Variants in MYCBP2 observed in about 807,000 individuals in gnomAD.
MYCBP2 encodes the protein MYC binding protein 2.
MYCBP2 carries 120 observed loss-of-function variants against 525.3 expected under a neutral mutation model. That is an observed-to-expected ratio of 0.23 (90% CI 0.20 to 0.27). MYCBP2 has a LOEUF of 0.27. Ranked by LOEUF, MYCBP2 falls within the 10% of genes least tolerant of loss-of-function variation. The pLI, the probability that MYCBP2 is intolerant of heterozygous loss-of-function variation, is 1.00. For missense variants in MYCBP2, 4,149 were observed against 5,657.1 expected, an observed-to-expected ratio of 0.73 and a Z score of 8.55; for synonymous variants, 1,894 against 1,955.8, an observed-to-expected ratio of 0.97 and a Z score of 0.83.
intron 55 of MYCBP2, among the ~76,000 whole-genome samples, chr13:77,120,241 C>T (rs565670105): frequency 6.6e-6 from 1 of 152,036 alleles, no homozygotes; most frequent in East Asian, 1.9e-4. Context: ...TATGTAAGTA[C>T]AAAGATCTAG....
chr13:77,310,155 G>A (rs2079995702), intron 1 of MYCBP2, among the ~76,000 whole-genome samples: 2 of 152,086 alleles, frequency 1.3e-5, no homozygotes, highest in African/African-American at 4.8e-5. Flanking sequence ...AATACCCTAT[G>A]ATTGTTCCAT....
At chr13:77,089,769 A>C (rs1302818514) in intron 60 of MYCBP2, among the ~76,000 whole-genome samples, 1 of 151,986 alleles carries the variant, frequency 6.6e-6, no homozygotes, top group Non-Finnish European at 1.5e-5. Flanking sequence ...GATAACTGTG[A>C]ATGTGTACGT....
At chr13:77,169,135 G>A (rs909453521) in intron 39 of MYCBP2, among the ~76,000 whole-genome samples, 6 of 152,176 alleles carry the variant, frequency 3.9e-5, no homozygotes, top group Non-Finnish European at 5.9e-5. Flanking sequence ...CAGGCCGGGC[G>A]CGGTGGCTCA....
At chr13:77,220,255 A>C (rs2065361536) in intron 20 of MYCBP2, among the ~76,000 whole-genome samples, 1 of 152,132 alleles carries the variant, frequency 6.6e-6, no homozygotes, top group African/African-American at 2.4e-5. Context: ...AAAGGGTGAA[A>C]AAAGAGTAAA....
At position 77,057,016 on chromosome 13, in the gene MYCBP2, T is replaced by C; in HGVS notation, c.13407A>G (p.Thr4469=). Reference sequence around the variant, plus strand: ...AAATGGGACAAGATATAAATCCAAATGTTATCCTTGGGCCAAGCCATCGAT... The same window carrying C: ...AAATGGGACAAGATATAAATCCAAACGTTATCCTTGGGCCAAGCCATCGAT... ...LENRWLGPRI[T]FGFISCPICK... is the part of the protein sequence containing the mutation. Residue 4469 remains threonine (T), a synonymous_variant, in exon 79 of 83, where the codon ACA becomes ACG. Transcript: ENST00000544440. 6.2e-7 allele frequency: 1 copy of C among 1,613,518 alleles called. No individual in the cohort carries two copies. Among genetic ancestry groups the C allele is most frequent in the Non-Finnish European group, 8.5e-7 (1 of 1,179,540 alleles).
At position 77,050,899 on chromosome 13, in the gene MYCBP2, T is replaced by C. The variant is rs530258500; in HGVS notation, c.13921+98A>G. 6 of 1,076,114 alleles carry C rather than the reference T, an allele frequency of 5.6e-6. No individual in the cohort carries two copies. The East Asian group carries it at 1.5e-4, about 28-fold the overall frequency. 66.7% of individuals were successfully genotyped at this position (1,076,114 alleles called of 1,614,324 possible). On this transcript the variant is annotated intron_variant, in intron 82 of 82. Coordinates refer to ENST00000544440, the MANE Select transcript of MYCBP2 (RefSeq NM_015057.5). ...TCCTGCTTCTTTAGGCTAGTTTGAA[T>C]TGAGTTTCTGTCACTTGAAACAGAG...
chr13:77,212,880 TCAA>T (rs2064219799), intron 21 of MYCBP2, among the ~76,000 whole-genome samples: 1 of 152,168 alleles, frequency 6.6e-6, no homozygotes, highest in African/African-American at 2.4e-5. Flanking sequence ...TGACATTGAC[TCAA>T]TAGATATTCT....
At position 77,260,340 on chromosome 13, in the gene MYCBP2, C is replaced by CCAA. The variant is rs1432245781; in HGVS notation, c.2017+85_2017+87dup. On this transcript the variant is annotated intron_variant, in intron 13 of 82. Coordinates refer to ENST00000544440, the MANE Select transcript of MYCBP2 (RefSeq NM_015057.5). The stretch of plus-strand genomic sequence containing the variant: ...TAAAAAATGTAGAGAAAGCATGCCA[C>CCAA]CAACATAAATTTTCTAGATATGTCT... The CCAA allele has an allele frequency of 3.4e-6, 3 of 882,006 alleles. No individual in the cohort carries two copies. In the African/African-American group the frequency reaches 5.3e-5, roughly 16 times the overall value. The allele number at this position is 882,006 out of a possible 1,614,324, so 54.6% of individuals were successfully genotyped here. A position where few individuals can be genotyped will look rare whatever the true frequency, so the allele number is the denominator to read the frequency against.
rs186242280 is a variant in MYCBP2, at chr13:77,224,466, C to T, written c.2924G>A (p.Gly975Glu). ...TAGCAAGTACCTGGAGTTGACATCTCCATGTCCTAGCTGCCCATGCTGCCC... is the reference window on the plus strand; with the variant it reads ...TAGCAAGTACCTGGAGTTGACATCTTCATGTCCTAGCTGCCCATGCTGCCC... ...GYGQHGQLGH[G>E]DVNSRGCPTL... The change falls in exon 20 of 83, where the codon GGA becomes GAA. Residue 975 changes from glycine to glutamate, a missense_variant. Transcript: ENST00000544440. 1 of 1,608,256 alleles carries T rather than the reference C, an allele frequency of 6.2e-7. No individual in the cohort carries two copies. The highest frequency in any genetic ancestry group is 2.2e-5 in the East Asian group (1 of 44,594).
In MYCBP2 at chr13:77,174,315, A is replaced by G; in HGVS notation, c.5647T>C (p.Tyr1883His). ...TRGQIPQILYYRSEFDGDLQS... is the reference protein window; with the variant it reads ...TRGQIPQILYHRSEFDGDLQS... Reference sequence around the variant, plus strand: ...TATCTCTATACATTCACCCACCTATAGTAGAGTATCTGTGGGATCTGTCCT... The same window carrying G: ...TATCTCTATACATTCACCCACCTATGGTAGAGTATCTGTGGGATCTGTCCT... Residue 1883 changes from tyrosine (Y) to histidine (H), a missense_variant, in exon 37 of 83, where the codon TAT becomes CAT. Coordinates refer to ENST00000544440, the MANE Select transcript of MYCBP2 (RefSeq NM_015057.5). 6.2e-7 allele frequency: 1 copy of G among 1,614,012 alleles called. No individual in the cohort carries two copies. Among genetic ancestry groups the G allele is most frequent in the Non-Finnish European group, 8.5e-7 (1 of 1,179,940 alleles).
intron 1 of MYCBP2, among the ~76,000 whole-genome samples, chr13:77,299,686 A>T (rs1254206087): frequency 7.2e-5 from 11 of 152,284 alleles, no homozygotes; most frequent in Non-Finnish European, 1.2e-4. Flanking sequence ...CACATTAACA[A>T]TTTAACTTGG....
chr13:77,230,631 A>G (rs943301688), intron 18 of MYCBP2, among the ~76,000 whole-genome samples: 1 of 152,236 alleles, frequency 6.6e-6, no homozygotes, highest in Non-Finnish European at 1.5e-5. Context: ...ATTTTATGCA[A>G]TATTTTAAAT....
chr13:77,234,732 T>G (rs1332162091), intron 17 of MYCBP2, among the ~76,000 whole-genome samples: 1 of 152,010 alleles, frequency 6.6e-6, no homozygotes, highest in Non-Finnish European at 1.5e-5. Flanking sequence ...ACAAAATGCC[T>G]TATTTTCTTA....
rs1310519170 is a variant in MYCBP2 at position 77,225,418 on chromosome 13, A to C, written c.2857+17T>G. On this transcript the variant is annotated intron_variant, in intron 19 of 82. Transcript: ENST00000544440. ...AATTGTAAAAACGCAGTTATACCCTAAAGTTCCAGCCGCTACCTGAATGGT... is the reference window on the plus strand; with the variant it reads ...AATTGTAAAAACGCAGTTATACCCTCAAGTTCCAGCCGCTACCTGAATGGT... 2 of 1,613,326 alleles carry C rather than the reference A, an allele frequency of 1.2e-6. No individual in the cohort carries two copies. The highest frequency in any genetic ancestry group is 3.3e-5 in the Admixed American group (2 of 59,896).
At chr13:77,257,092 G>A (rs777339283) in intron 14 of MYCBP2, among the ~76,000 whole-genome samples, 15 of 152,208 alleles carry the variant, frequency 9.9e-5, no homozygotes, top group South Asian at 2.1e-4. Flanking sequence ...CAACAAGGAT[G>A]TAACTGGAGG....
chr13:77,139,146 A>G, intron 52 of MYCBP2, 50 bp downstream of exon 52: 1 of 1,569,768 alleles, frequency 6.4e-7, no homozygotes, highest in Non-Finnish European at 8.7e-7. Flanking sequence ...AAGCTCTGTA[A>G]AACAAACAGC....
intron 17 of MYCBP2, among the ~76,000 whole-genome samples, chr13:77,234,044 G>C (rs987122172): frequency 2.6e-5 from 4 of 151,598 alleles, no homozygotes; most frequent in African/African-American, 9.7e-5. Flanking sequence ...ACAGATTATA[G>C]CTCTTTCCAC....
Position 77,067,576 on chromosome 13 carries a change from C to CTAA in MYCBP2, c.12455+2_12455+4dup, listed in dbSNP as rs749606283. 1 of 1,613,718 alleles carries CTAA rather than the reference C, an allele frequency of 6.2e-7. No homozygotes were observed. The highest frequency in any genetic ancestry group is 2.2e-5 in the East Asian group (1 of 44,882). The stretch of plus-strand genomic sequence containing the variant: ...TTTGGTACTAAAATAGAGGCAATAA[C>CTAA]TAACCTGGAATTGAAAATCATCGGA... On this transcript the variant is annotated splice_donor_region_variant and intron_variant, in intron 71 of 82. Transcript: ENST00000544440.
At chr13:77,168,191 T>C (rs1376925583) in intron 40 of MYCBP2, among the ~76,000 whole-genome samples, 2 of 152,136 alleles carry the variant, frequency 1.3e-5, no homozygotes, top group Admixed American at 6.5e-5. Flanking sequence ...ACTATACTTG[T>C]AGGAAGATTT....
Sources: allele counts gnomAD v4.1 joint callset (sites outside exome capture counted in the v4.1 genomes callset), GRCh38; gene constraint gnomAD v4.1.1; transcripts MANE v1.5; gene names NCBI Gene and HGNC (gene_info 2026-07-23, HGNC 2026-07-21).